Variants in GAP43 observed in about 807,000 individuals in gnomAD.
The protein encoded by GAP43 is neuromodulin.
Under a neutral mutation model 18.6 loss-of-function variants are expected in GAP43, and 6 were observed. The observed-to-expected ratio is 0.32, with a 90% confidence interval of 0.18 to 0.64. The LOEUF (loss-of-function observed/expected upper bound fraction) is 0.64, where lower values mean the gene tolerates loss of function less well. Ranked by LOEUF, GAP43 falls within the 30% of genes least tolerant of loss-of-function variation. GAP43 has a pLI of 0.78. For synonymous variants in GAP43, 115 were observed against 111.4 expected (o/e 1.03, Z -0.20); for missense variants, 292 against 295.5 (o/e 0.99, Z 0.09).
At chr3:115,664,857 G>A (rs1020481830) in intron 1 of GAP43, among the ~76,000 whole-genome samples, 4 of 152,152 alleles carry the variant, frequency 2.6e-5, no homozygotes. Context: ...CAAACCACAT[G>A]CCTTGTACCT....
intron 1 of GAP43, among the ~76,000 whole-genome samples, chr3:115,640,332 C>CA (rs1708379845): frequency 6.6e-6 from 1 of 151,816 alleles, no homozygotes; most frequent in Non-Finnish European, 1.5e-5. Flanking sequence ...GTAAGACAGG[C>CA]AAGTATTCAG....
chr3:115,638,826 C>T (rs760143661), intron 1 of GAP43, among the ~76,000 whole-genome samples: 3 of 151,982 alleles, frequency 2.0e-5, no homozygotes, highest in African/African-American at 4.8e-5. Context: ...TTTATGGAGA[C>T]TCTCTGATCC....
At chr3:115,650,142 T>C (rs1708504121) in intron 1 of GAP43, among the ~76,000 whole-genome samples, 1 of 152,138 alleles carries the variant, frequency 6.6e-6, no homozygotes, top group Non-Finnish European at 1.5e-5. Flanking sequence ...GGTGGATCCA[T>C]CTTGAAAACA....
At chr3:115,655,710 T>C (rs929942398) in intron 1 of GAP43, among the ~76,000 whole-genome samples, 3 of 152,224 alleles carry the variant, frequency 2.0e-5, no homozygotes, top group African/African-American at 7.2e-5. Context: ...GATAAAACAC[T>C]GAAAGTTAAT....
intron 2 of GAP43, among the ~76,000 whole-genome samples, chr3:115,718,406 C>T (rs1709537889): frequency 6.6e-6 from 1 of 152,178 alleles, no homozygotes; most frequent in African/African-American, 2.4e-5. Context: ...TGGAATCTTT[C>T]TTCTGGTAGA....
chr3:115,714,458 A>G (rs1709476360), intron 2 of GAP43, among the ~76,000 whole-genome samples: 1 of 152,184 alleles, frequency 6.6e-6, no homozygotes, highest in Non-Finnish European at 1.5e-5. Flanking sequence ...AAATGACTGA[A>G]TATAATTTTT....
chr3:115,640,445 A>G (rs1475181187), intron 1 of GAP43, among the ~76,000 whole-genome samples: 1 of 152,034 alleles, frequency 6.6e-6, no homozygotes, highest in African/African-American at 2.4e-5. Context: ...TTCATTTGCT[A>G]TTCCACTTAT....
At chr3:115,645,085 A>G (rs1469213918) in intron 1 of GAP43, among the ~76,000 whole-genome samples, 1 of 152,026 alleles carries the variant, frequency 6.6e-6, no homozygotes, top group Non-Finnish European at 1.5e-5. Flanking sequence ...CTTTCATGGT[A>G]TCTCAAGAGT....
intron 2 of GAP43, among the ~76,000 whole-genome samples, chr3:115,717,354 G>C (rs1357149546): frequency 6.7e-6 from 1 of 148,468 alleles, no homozygotes; most frequent in Non-Finnish European, 1.5e-5. Context: ...TTGTCCCCCA[G>C]GCCGGAGTGC....
chr3:115,698,250 ATATAAT>A (rs1709244287), intron 2 of GAP43, among the ~76,000 whole-genome samples: 1 of 46,422 alleles, frequency 2.2e-5, no homozygotes, highest in Non-Finnish European at 3.8e-5. Context: ...TATATATAAT[ATATAAT>A]ATATATAAAA....
Position 115,720,842 on chromosome 3 carries a change from G to A in GAP43, c.677G>A (p.Gly226Asp). 1 of 1,613,072 alleles carries A rather than the reference G, an allele frequency of 6.2e-7. No individual in the cohort carries two copies. Among genetic ancestry groups the A allele is most frequent in the Non-Finnish European group, 8.5e-7 (1 of 1,179,368 alleles). The part of the protein sequence containing the change: ...KPKESARQDE[G>D]KEEEPEADQE... The stretch of plus-strand genomic sequence containing the variant: ...AAGGAAAGTGCCCGGCAGGACGAGG[G>A]TAAAGAAGAGGAACCTGAGGCTGAC... The change falls in exon 3 of 3, where the codon GGT (glycine) becomes GAT (aspartate). Residue 226 changes from glycine (G) to aspartate (D), a missense_variant. Coordinates refer to ENST00000305124, the MANE Select transcript of GAP43 (RefSeq NM_002045.4).
At chr3:115,647,802 A>G (rs1708475619) in intron 1 of GAP43, among the ~76,000 whole-genome samples, 1 of 152,012 alleles carries the variant, frequency 6.6e-6, no homozygotes, top group South Asian at 2.1e-4. Flanking sequence ...TTGTGCCATT[A>G]GCAGCTTTTG....
chr3:115,673,535 G>T (rs572381246), intron 1 of GAP43, among the ~76,000 whole-genome samples: 101 of 152,334 alleles, frequency 6.6e-4, no homozygotes, highest in Middle Eastern at 6.8e-3. Flanking sequence ...CCAAGTGCAG[G>T]TGTCCTAATA....
At chr3:115,701,764 AATC>A (rs1256806948) in intron 2 of GAP43, among the ~76,000 whole-genome samples, 1 of 152,032 alleles carries the variant, frequency 6.6e-6, no homozygotes, top group African/African-American at 2.4e-5. Flanking sequence ...TGTTTCCCAT[AATC>A]ATAAGCCTCA....
chr3:115,693,018 T>C (rs1709133743), intron 2 of GAP43, among the ~76,000 whole-genome samples: 1 of 152,200 alleles, frequency 6.6e-6, no homozygotes, highest in African/African-American at 2.4e-5. Flanking sequence ...CATTTCTTCC[T>C]GGAGAGTGAC....
chr3:115,698,095 AT>A (rs1473276850), intron 2 of GAP43, among the ~76,000 whole-genome samples: 27 of 53,114 alleles, frequency 5.1e-4, no homozygotes, highest in African/African-American at 1.5e-3. Flanking sequence ...TATGTATTAT[AT>A]ATAATATATA....
intron 1 of GAP43, among the ~76,000 whole-genome samples, chr3:115,633,973 AT>A (rs1477090674): frequency 6.6e-6 from 1 of 152,170 alleles, no homozygotes; most frequent in Non-Finnish European, 1.5e-5. Context: ...TAATAACCAC[AT>A]TTATCTATTT....
chr3:115,639,839 T>C (rs1933600927), intron 1 of GAP43, among the ~76,000 whole-genome samples: 1 of 152,100 alleles, frequency 6.6e-6, no homozygotes, highest in African/African-American at 2.4e-5. Context: ...CTTCCCCTTA[T>C]AATTCTGGTG....
chr3:115,648,391 C>G (rs1040475926), intron 1 of GAP43, among the ~76,000 whole-genome samples: 13 of 152,070 alleles, frequency 8.5e-5, no homozygotes, highest in African/African-American at 2.7e-4. Context: ...ACTCCATTGT[C>G]CTATTTCAAA....
Sources: allele counts gnomAD v4.1 joint callset (sites outside exome capture counted in the v4.1 genomes callset), GRCh38; gene constraint gnomAD v4.1.1; transcripts MANE v1.5; gene names NCBI Gene and HGNC (gene_info 2026-07-23, HGNC 2026-07-21).